DPP10: variants seen among roughly 807,000 people sequenced by gnomAD.
The protein encoded by DPP10 is inactive dipeptidyl peptidase 10.
In DPP10, 33 loss-of-function variants were observed where a neutral mutation model predicts 120.9. That is an observed-to-expected ratio of 0.27 (90% confidence interval 0.21 to 0.37). The LOEUF (loss-of-function observed/expected upper bound fraction) is 0.37. Among genes scored for constraint, DPP10 ranks in the 10% least tolerant of loss-of-function variants. The pLI, the probability that DPP10 is intolerant of heterozygous loss-of-function variation, is 1.00. For synonymous variants in DPP10, 337 were observed against 326.1 expected, an observed-to-expected ratio of 1.03 and a Z score of -0.36; for missense variants, 816 against 942.8, an observed-to-expected ratio of 0.87 and a Z score of 1.76.
intron 20 of DPP10, 45 bp from the exon 21 acceptor site, chr2:115,815,630 T>C: frequency 1.3e-6 from 2 of 1,521,054 alleles, no homozygotes; most frequent in Non-Finnish European, 1.8e-6. Flanking sequence ...TATATTTGCA[T>C]TTAACTCACA....
chr2:115,842,984 A>G lies in DPP10; in HGVS notation c.*639A>G, dbSNP rs1322914360. The G allele has an allele frequency of 6.5e-6, 1 of 152,694 alleles. No individual in the cohort carries two copies. Among genetic ancestry groups the G allele is most frequent in the Non-Finnish European group, 1.5e-5 (1 of 68,062 alleles). 9.5% of individuals were successfully genotyped at this position (152,694 alleles called of 1,614,324 possible). On this transcript the variant is annotated 3_prime_UTR_variant, in exon 26 of 26. Transcript: ENST00000410059. Reference sequence around the variant, plus strand: ...TATCTTTAAATGAACACACGAGTGTATGTCTCACAATATATATACACAAGT... The same window carrying G: ...TATCTTTAAATGAACACACGAGTGTGTGTCTCACAATATATATACACAAGT...
intron 5 of DPP10, among the ~76,000 whole-genome samples, chr2:115,632,843 C>T (rs2085995820): frequency 6.6e-6 from 1 of 152,160 alleles, no homozygotes; most frequent in Non-Finnish European, 1.5e-5. Context: ...CTCATCATCA[C>T]TGGCCATCAG....
intron 1 of DPP10, among the ~76,000 whole-genome samples, chr2:115,099,130 CAAAAAAAAAAAA>C (rs55815168): frequency 1.3e-5 from 1 of 74,802 alleles, no homozygotes; most frequent in Non-Finnish European, 2.9e-5. Context: ...GCTAAAAATA[CAAAAAAAAAAAA>C]AAAAGAAAAA....
chr2:115,727,803 T>A lies in DPP10; in HGVS notation c.577-13T>A. 1.3e-6 allele frequency: 2 copies of A among 1,574,824 alleles called. No homozygotes were observed. Among genetic ancestry groups the A allele is most frequent in the South Asian group, 2.4e-5 (2 of 83,788 alleles). The stretch of plus-strand genomic sequence containing the variant: ...TGTTGGATTTTTTGTTTGTTTCACA[T>A]TTCCTGATCCAGATTTATATTTTTG... On this transcript the variant is annotated splice_polypyrimidine_tract_variant and intron_variant, in intron 7 of 25. Coordinates refer to ENST00000410059, the MANE Select transcript of DPP10 (RefSeq NM_020868.6).
At chr2:115,230,316 T>A (rs568285281) in intron 1 of DPP10, among the ~76,000 whole-genome samples, 8 of 152,180 alleles carry the variant, frequency 5.3e-5, no homozygotes, top group African/African-American at 1.9e-4. Context: ...TGAATAGTCC[T>A]TGGTGGAGTC....
rs570974238 is a variant in DPP10 at position 114,742,376 on chromosome 2, T to A, written c.60+299538T>A. Among the ~76,000 whole-genome samples, 8 of 152,268 alleles carry A rather than the reference T, an allele frequency of 5.3e-5. No individual in the cohort carries two copies. In the South Asian group the frequency reaches 1.7e-3, roughly 32 times the overall value. ...TAAAAAATATTTGGCATATGAAAAG[T>A]ATAATGCAGGAATAGATTATGAGCA... On this transcript the variant is annotated intron_variant, in intron 1 of 25. Transcript: ENST00000410059.
intron 1 of DPP10, among the ~76,000 whole-genome samples, chr2:114,593,074 AG>A (rs1188019545): frequency 6.6e-6 from 1 of 152,220 alleles, no homozygotes; most frequent in African/African-American, 2.4e-5. Flanking sequence ...TTTAGTAATG[AG>A]ACTTTTATCA....
chr2:114,623,301 T>G (rs967701142), intron 1 of DPP10, among the ~76,000 whole-genome samples: 81 of 152,136 alleles, frequency 5.3e-4, no homozygotes, highest in Non-Finnish European at 2.9e-5. Context: ...GAAAATCTCC[T>G]GTGAAATACA....
chr2:114,769,644 T>C (rs1681071858), intron 1 of DPP10, among the ~76,000 whole-genome samples: 1 of 152,216 alleles, frequency 6.6e-6, no homozygotes, highest in African/African-American at 2.4e-5. Flanking sequence ...GTAGGTCAAA[T>C]GTGCTCTCAT....
chr2:115,701,302 A>G (rs531530031), intron 7 of DPP10, among the ~76,000 whole-genome samples: 71 of 152,232 alleles, frequency 4.7e-4, no homozygotes, highest in African/African-American at 1.6e-3. Context: ...TTTCGCATTT[A>G]TGATCAAATG....
intron 1 of DPP10, among the ~76,000 whole-genome samples, chr2:115,045,571 A>C (rs1318619502): frequency 6.6e-6 from 1 of 152,164 alleles, no homozygotes; most frequent in African/African-American, 2.4e-5. Context: ...CTGAGTTCTA[A>C]TGCAAAGTCC....
chr2:115,615,825 G>A (rs1482864580), intron 5 of DPP10, among the ~76,000 whole-genome samples: 7 of 152,048 alleles, frequency 4.6e-5, no homozygotes, highest in Non-Finnish European at 7.4e-5. Context: ...AACCTAAATG[G>A]AGATTATATT....
intron 5 of DPP10, among the ~76,000 whole-genome samples, chr2:115,585,632 T>A (rs1484763423): frequency 2.0e-5 from 3 of 152,226 alleles, no homozygotes; most frequent in African/African-American, 7.2e-5. Context: ...TCAAGTAGCT[T>A]GTCCACAGTT....
At chr2:115,259,415 C>T (rs539598463) in intron 1 of DPP10, among the ~76,000 whole-genome samples, 17 of 150,212 alleles carry the variant, frequency 1.1e-4, no homozygotes, top group East Asian at 9.9e-4. Flanking sequence ...ACCCGGGAGG[C>T]GGAGGTTGCA....
chr2:115,067,787 G>T (rs1349109184), intron 1 of DPP10, among the ~76,000 whole-genome samples: 1 of 148,020 alleles, frequency 6.8e-6, no homozygotes, highest in Admixed American at 6.7e-5. Flanking sequence ...GGCTGATCCC[G>T]GGAGGCGGAG....
chr2:114,778,986 G>A (rs1057205688), intron 1 of DPP10, among the ~76,000 whole-genome samples: 35 of 152,040 alleles, frequency 2.3e-4, no homozygotes, highest in Admixed American at 8.5e-4. Context: ...TAGCACCCTA[G>A]TTAATTCAAT....
rs1037515973 is a variant in DPP10 at position 115,623,185 on chromosome 2, A to G, written c.442-66502A>G. ...TATTGTCTATGGGTATTTTTGTGGT[A>G]TGATGGCAGAGTTGAACCACAGAGA... On this transcript the variant is annotated intron_variant, in intron 5 of 25. Transcript: ENST00000410059. Among the ~76,000 whole-genome samples the G allele has an allele frequency of 2.0e-5, 3 of 152,146 alleles. 1 individual carries two copies. The highest frequency in any genetic ancestry group is 4.4e-5 in the Non-Finnish European group (3 of 68,020).
At position 115,368,434 on chromosome 2, in the gene DPP10, A is replaced by G. The variant is rs553257898; in HGVS notation, c.271+24522A>G. Among the ~76,000 whole-genome samples the G allele has an allele frequency of 1.4e-4, 22 of 152,246 alleles. No individual in the cohort carries two copies. The South Asian group carries it at 3.3e-3, about 23-fold the overall frequency. On this transcript the variant is annotated intron_variant, in intron 3 of 25. Transcript: ENST00000410059. The stretch of plus-strand genomic sequence containing the variant: ...TGCAAACTTTACAAATGTAAGATTC[A>G]GTATTATTTTACTTTCTATCAATTT...
At chr2:115,839,837 G>T (rs1031256723) in intron 24 of DPP10, among the ~76,000 whole-genome samples, 4 of 152,126 alleles carry the variant, frequency 2.6e-5, no homozygotes, top group Admixed American at 6.6e-5. Flanking sequence ...TGGCTATTGG[G>T]CTGCTTACTT....
Sources: allele counts gnomAD v4.1 joint callset (sites outside exome capture counted in the v4.1 genomes callset), GRCh38; gene constraint gnomAD v4.1.1; transcripts MANE v1.5; gene names NCBI Gene and HGNC (gene_info 2026-07-23, HGNC 2026-07-21).